Variants in LSM4 observed in about 807,000 individuals in gnomAD.
LSM4 encodes the protein U6 snRNA-associated Sm-like protein LSm4.
A neutral mutation model predicts 22.3 loss-of-function variants in LSM4; 15 were observed. The ratio of observed to expected loss-of-function variants is 0.67; its 90% CI spans 0.45 to 1.03. The LOEUF (loss-of-function observed/expected upper bound fraction) is 1.03, where lower values mean the gene tolerates loss of function less well. Among genes scored for constraint, LSM4 ranks in the 50% least tolerant of loss-of-function variants. The pLI is 0.00. For missense variants in LSM4, 127 were observed against 198.0 expected, an observed-to-expected ratio of 0.64 and a Z score of 2.15; for synonymous variants, 90 against 79.8, an observed-to-expected ratio of 1.13 and a Z score of -0.68.
chr19:18,321,220 G>A (rs1295815430), intron 1 of LSM4, among the ~76,000 whole-genome samples: 1 of 152,206 alleles, frequency 6.6e-6, no homozygotes, highest in Non-Finnish European at 1.5e-5. Context: ...TGGGAATCTA[G>A]TCGGAAGAAA....
rs146785990 is a variant in LSM4 at position 18,309,067 on chromosome 19, C to T, written c.328+611G>A. 7.1e-3 allele frequency among the ~76,000 whole-genome samples: 1,079 copies of T among 152,244 alleles called. 17 individuals are homozygous for T. The highest frequency in any genetic ancestry group is 0.024 in the African/African-American group (1,009 of 41,528). On this transcript the variant is annotated intron_variant, in intron 4 of 4. Transcript: ENST00000593829. The stretch of plus-strand genomic sequence containing the variant: ...CCTGCCTGGAGTACTATCCCTGCCC[C>T]TCCCTCGGGCTCACTCCTGACCACC...
intron 4 of LSM4, among the ~76,000 whole-genome samples, chr19:18,308,534 G>GGGCCAGA (rs2148136989): frequency 6.6e-6 from 1 of 152,362 alleles, no homozygotes; most frequent in Non-Finnish European, 1.5e-5. Context: ...TGGGTGCCAG[G>GGGCCAGA]GGCCAGAGGC....
intron 1 of LSM4, among the ~76,000 whole-genome samples, chr19:18,318,215 CT>C (rs1389424086): frequency 1.3e-5 from 2 of 152,232 alleles, no homozygotes; most frequent in African/African-American, 4.8e-5. Flanking sequence ...ACTTGAAGGC[CT>C]CTCCCTGTGG....
intron 3 of LSM4, among the ~76,000 whole-genome samples, chr19:18,311,613 C>T (rs1318005056): frequency 6.6e-6 from 1 of 152,148 alleles, no homozygotes; most frequent in African/African-American, 2.4e-5. Context: ...ATGGGAGGCA[C>T]GCGGTTCTGC....
chr19:18,309,919 G>A, intron 3 of LSM4, 58 bp from the exon 4 acceptor site: 2 of 1,546,272 alleles, frequency 1.3e-6, no homozygotes, highest in South Asian at 2.3e-5. Flanking sequence ...CCCAGCCCTG[G>A]GAGCGCGGGA....
intron 2 of LSM4, among the ~76,000 whole-genome samples, chr19:18,313,580 T>C (rs922960900): frequency 6.6e-6 from 1 of 152,194 alleles, no homozygotes; most frequent in Non-Finnish European, 1.5e-5. Context: ...TGCAGTATCG[T>C]GATCATGGCT....
chr19:18,307,623 C>T (rs2148136303), intron 4 of LSM4, 68 bp from the exon 5 acceptor site: 1 of 1,198,244 alleles, frequency 8.3e-7, no homozygotes, highest in Non-Finnish European at 1.1e-6. Context: ...ATCCCGGCGC[C>T]CTGAAACTCT....
intron 3 of LSM4, among the ~76,000 whole-genome samples, chr19:18,311,811 G>A (rs1026836324): frequency 1.3e-5 from 2 of 152,140 alleles, no homozygotes. Flanking sequence ...TGGCGGTCAG[G>A]GCAAGATACG....
chr19:18,314,170 G>T (rs1375826638), intron 2 of LSM4, among the ~76,000 whole-genome samples: 2 of 152,140 alleles, frequency 1.3e-5, no homozygotes, highest in Admixed American at 1.3e-4. Context: ...AATGTTCACA[G>T]TGACACTGTT....
intron 4 of LSM4, 86 bp from the exon 5 acceptor site, chr19:18,307,641 G>T: frequency 1.1e-6 from 1 of 948,110 alleles, no homozygotes; most frequent in Non-Finnish European, 1.5e-6. Context: ...TCTAGGCCAG[G>T]TCACCTAAGT....
rs201611097 is a variant in LSM4, at chr19:18,309,866, G to A, written c.145-5C>T. The A allele has an allele frequency of 1.4e-4, 225 of 1,612,562 alleles. No individual in the cohort carries two copies. The highest frequency in any genetic ancestry group is 1.7e-4 in the Non-Finnish European group (205 of 1,179,536). On this transcript the variant is annotated splice_polypyrimidine_tract_variant and splice_region_variant and intron_variant, in intron 3 of 4. Transcript: ENST00000593829. Reference sequence around the variant, plus strand: ...CCGCCAGAACTTGTCCCCGTCCTGCGGAGAAGGGGAGCAGGTTATTAACTT... The same window carrying A: ...CCGCCAGAACTTGTCCCCGTCCTGCAGAGAAGGGGAGCAGGTTATTAACTT...
At chr19:18,312,486 G>T in intron 3 of LSM4, 118 bp downstream of exon 3, 1 of 804,782 alleles carries the variant, frequency 1.2e-6, no homozygotes, top group Non-Finnish European at 2.1e-6. Context: ...CCCCTGGAAG[G>T]ACGAGCAGTC....
rs577146880 is a variant in LSM4 at position 18,311,765 on chromosome 19, C to T, written c.144+839G>A. ...CACCACCTGTCCCCACCCCGCCCAG[C>T]CCTGTGCTGATGAGAGGCCCAGTCC... On this transcript the variant is annotated intron_variant, in intron 3 of 4. Coordinates refer to ENST00000593829, the MANE Select transcript of LSM4 (RefSeq NM_012321.5). 1.0e-3 allele frequency among the ~76,000 whole-genome samples: 154 copies of T among 152,286 alleles called. 1 individual carries two copies. The highest frequency in any genetic ancestry group is 3.5e-3 in the African/African-American group (146 of 41,570).
rs145800249 is a variant in LSM4 at position 18,310,699 on chromosome 19, C to T, written c.145-838G>A. 7.3e-3 allele frequency among the ~76,000 whole-genome samples: 1,115 copies of T among 152,222 alleles called. 16 individuals carry two copies. The highest frequency in any genetic ancestry group is 0.026 in the African/African-American group (1,068 of 41,550). ...ACGACGCCTGGATGGCCTTTGCCCCCGATGCCCTTTAAAGTCAGATCACAG... is the reference window on the plus strand; with the variant it reads ...ACGACGCCTGGATGGCCTTTGCCCCTGATGCCCTTTAAAGTCAGATCACAG... On this transcript the variant is annotated intron_variant, in intron 3 of 4. Transcript: ENST00000593829.
chr19:18,321,406 G>C (rs756907670), intron 1 of LSM4, among the ~76,000 whole-genome samples: 4 of 152,178 alleles, frequency 2.6e-5, no homozygotes, highest in Non-Finnish European at 5.9e-5. Context: ...ACAGTGAAAA[G>C]AGATCAGACC....
In LSM4 at chr19:18,320,731, GGTTGCAGTGAGCT is replaced by G. The variant is rs567547633; in HGVS notation, c.3+2274_3+2286del. On this transcript the variant is annotated intron_variant, in intron 1 of 4. Transcript: ENST00000593829. ...GGAGAATCACTCTCGGAGAGGTGGA[GGTTGCAGTGAGCT>G]GAGATTACACCACTGCACTTCAGCC... Among the ~76,000 whole-genome samples, 294 of 152,250 alleles carry G rather than the reference GGTTGCAGTGAGCT, an allele frequency of 1.9e-3. 1 individual carries two copies. Among genetic ancestry groups the G allele is most frequent in the African/African-American group, 6.7e-3 (280 of 41,550 alleles).
chr19:18,312,987 G>A (rs1033750987), intron 2 of LSM4, among the ~76,000 whole-genome samples: 1 of 152,202 alleles, frequency 6.6e-6, no homozygotes, highest in African/African-American at 2.4e-5. Context: ...TTGGGAGGCC[G>A]AGGCAGGCAG....
At chr19:18,311,275 G>A (rs768016265) in intron 3 of LSM4, among the ~76,000 whole-genome samples, 8 of 152,122 alleles carry the variant, frequency 5.3e-5, no homozygotes, top group African/African-American at 9.7e-5. Context: ...CTCTCAGCCC[G>A]GGGTCTCTGC....
intron 1 of LSM4, among the ~76,000 whole-genome samples, chr19:18,318,906 C>T (rs1422565109): frequency 6.6e-6 from 1 of 152,230 alleles, no homozygotes; most frequent in Non-Finnish European, 1.5e-5. Flanking sequence ...CTGTCACTTG[C>T]AGTCCCATCC....
Sources: gnomAD v4.1 joint callset for allele counts (sites outside exome capture counted in the v4.1 genomes callset) on GRCh38, gnomAD v4.1.1 for gene constraint, MANE v1.5 for transcripts, NCBI Gene and HGNC (gene_info 2026-07-23, HGNC 2026-07-21) for gene names.